MAST3: variants seen among roughly 807,000 people sequenced by gnomAD.
The protein encoded by MAST3 is microtubule-associated serine/threonine-protein kinase 3.
MAST3 carries 43 observed loss-of-function variants against 127.0 expected under a neutral mutation model. The observed-to-expected ratio is 0.34, with a 90% CI of 0.27 to 0.44. MAST3 has a LOEUF of 0.44. MAST3 is among the 20% of genes least tolerant of loss of function. The probability of loss-of-function intolerance (pLI) is 1.00; values close to 1 mark genes in which losing one functional copy is unlikely to be tolerated. For missense variants in MAST3, 1,390 were observed against 1,919.1 expected (o/e 0.72, Z 5.15); for synonymous variants, 785 against 809.2 (o/e 0.97, Z 0.51).
intron 13 of MAST3, among the ~76,000 whole-genome samples, chr19:18,130,140 G>A (rs983892955): frequency 3.3e-5 from 5 of 151,958 alleles, no homozygotes; most frequent in African/African-American, 1.2e-4. Context: ...TTGAGCCGGG[G>A]GGGTGGTAAA....
At chr19:18,098,380 C>T (rs1370895980) in intron 1 of MAST3, among the ~76,000 whole-genome samples, 1 of 152,088 alleles carries the variant, frequency 6.6e-6, no homozygotes, top group Non-Finnish European at 1.5e-5. Context: ...TCGATCTGCG[C>T]CCTCAACCAG....
Position 18,134,867 on chromosome 19 carries a change from CT to C in MAST3, c.1756del (p.Tyr586MetfsTer78), listed in dbSNP as rs1386164010. 1 of 1,613,916 alleles carries C rather than the reference CT, an allele frequency of 6.2e-7. No individual in the cohort carries two copies. The highest frequency in any genetic ancestry group is 2.2e-5 in the East Asian group (1 of 44,894). ...IAPEVIFRQG[Y>X]GKPVDWWAMG... Reference sequence around the variant, plus strand: ...CCCCCGAGGTGATCTTCCGCCAGGGCTATGGGAAGCCAGTGGACTGGTGGGC... The same window carrying C: ...CCCCCGAGGTGATCTTCCGCCAGGGCATGGGAAGCCAGTGGACTGGTGGGC... On this transcript the variant is annotated frameshift_variant, in exon 17 of 28. Coordinates refer to ENST00000687212, the MANE Select transcript of MAST3 (RefSeq NM_001393504.1). LOFTEE classifies it high-confidence loss of function.
At chr19:18,106,096 A>G (rs992478393) in intron 1 of MAST3, among the ~76,000 whole-genome samples, 5 of 151,728 alleles carry the variant, frequency 3.3e-5, no homozygotes, top group African/African-American at 1.2e-4. Flanking sequence ...ATTATTATTA[A>G]TTTTTTTTAG....
At chr19:18,142,262 G>C (rs1217129395) in intron 21 of MAST3, among the ~76,000 whole-genome samples, 1 of 151,530 alleles carries the variant, frequency 6.6e-6, no homozygotes, top group African/African-American at 2.4e-5. Flanking sequence ...AATGCCCTTT[G>C]CTTACTAACT....
intron 3 of MAST3, among the ~76,000 whole-genome samples, chr19:18,115,819 C>T (rs2039156658): frequency 6.6e-6 from 1 of 152,246 alleles, no homozygotes; most frequent in Non-Finnish European, 1.5e-5. Flanking sequence ...AAGCACCCTC[C>T]ATGGCTCCCC....
intron 21 of MAST3, among the ~76,000 whole-genome samples, chr19:18,142,852 T>G (rs936953213): frequency 6.6e-6 from 1 of 151,794 alleles, no homozygotes; most frequent in Non-Finnish European, 1.5e-5. Context: ...GACTTACACC[T>G]GTAATCCCAA....
In MAST3 at chr19:18,145,451, C is replaced by T. The variant is rs934243960; in HGVS notation, c.3039+222C>T. ...CAGATCCCAAGTGGCATTAACCTCC[C>T]AGCTCCATATGGGGACGCACTGGGC... On this transcript the variant is annotated intron_variant, in intron 24 of 27. Transcript: ENST00000687212. This position sits in a 1 kb window ranked among gnomAD's most constrained non-coding sequence, Gnocchi z 5.9. Among the ~76,000 whole-genome samples the T allele has an allele frequency of 5.9e-5, 9 of 152,212 alleles. No individual in the cohort carries two copies. The highest frequency in any genetic ancestry group is 1.3e-4 in the Non-Finnish European group (9 of 68,034).
chr19:18,146,850 C>T, intron 25 of MAST3, 31 bp from the exon 26 acceptor site: 1 of 1,527,646 alleles, frequency 6.5e-7, no homozygotes, highest in Non-Finnish European at 8.8e-7. Flanking sequence ...GTGAGAGGCA[C>T]AGAGGCAACC....
At chr19:18,121,486 G>A (rs972950650) in intron 3 of MAST3, among the ~76,000 whole-genome samples, 199 bp from the exon 4 acceptor site, 2 of 152,246 alleles carry the variant, frequency 1.3e-5, no homozygotes, top group African/African-American at 2.4e-5. Context: ...AGGAATGTTA[G>A]TTGAGGGGTG....
chr19:18,124,939 CCT>C (rs1491577666), intron 11 of MAST3, among the ~76,000 whole-genome samples, 165 bp downstream of exon 11: 9 of 135,492 alleles, frequency 6.6e-5, no homozygotes, highest in East Asian at 6.6e-4. Context: ...AAACCCCCCC[CCT>C]ACTAAAAATA....
At chr19:18,130,777 C>T in intron 14 of MAST3, 75 bp downstream of exon 14, 1 of 1,435,238 alleles carries the variant, frequency 7.0e-7, no homozygotes, top group Non-Finnish European at 9.6e-7. Flanking sequence ...AATTTTTAGA[C>T]CAAGTTGAGG....
In MAST3 at chr19:18,128,917, G is replaced by A. The variant is rs900994208; in HGVS notation, c.1189G>A (p.Glu397Lys). Reference sequence around the variant, plus strand: ...GAGGAAGCCATGCGAAAGCGACTTTGAGACCATCAAACTCATTAGCAACGG... The same window carrying A: ...GAGGAAGCCATGCGAAAGCGACTTTAAGACCATCAAACTCATTAGCAACGG... ...SRRKPCESDF[E>K]TIKLISNGAY... The change falls in exon 13 of 28, where the codon GAG becomes AAG. Residue 397 changes from glutamate to lysine, a missense_variant. Physicochemically the swap from Glu to Lys is moderately conservative, Grantham distance 56. Transcript: ENST00000687212. 6.2e-7 allele frequency: 1 copy of A among 1,613,798 alleles called. No homozygotes were observed. Among genetic ancestry groups the A allele is most frequent in the African/African-American group, 1.3e-5 (1 of 74,916 alleles).
chr19:18,123,743 C>G, intron 8 of MAST3, 88 bp downstream of exon 8: 2 of 1,199,950 alleles, frequency 1.7e-6, no homozygotes, highest in East Asian at 5.1e-5. Context: ...TGGCTATGTC[C>G]CCTTTGCCAG....
At chr19:18,124,191 C>T (rs1322652365) in intron 9 of MAST3, 43 bp downstream of exon 9, 15 of 1,592,120 alleles carry the variant, frequency 9.4e-6, no homozygotes, top group East Asian at 2.3e-5. Flanking sequence ...TGCAGTGGGA[C>T]GTGGAGTGAG....
intron 17 of MAST3, among the ~76,000 whole-genome samples, chr19:18,135,396 C>T (rs1203084273): frequency 6.6e-6 from 1 of 152,092 alleles, no homozygotes; most frequent in African/African-American, 2.4e-5. Context: ...ACCCAGGAGG[C>T]AGAGGTTGCA....
intron 11 of MAST3, among the ~76,000 whole-genome samples, chr19:18,125,422 AC>A (rs888426837): frequency 3.4e-4 from 52 of 152,166 alleles, no homozygotes; most frequent in Admixed American, 3.4e-3. Context: ...AAACAGGACA[AC>A]CCGTAGGTAA....
rs2147929050 is a variant in MAST3 at position 18,151,503 on chromosome 19, ATGCTG to A, written c.*1780_*1784del. 6.6e-6 allele frequency: 1 copy of A among 152,304 alleles called. No individual in the cohort carries two copies. Among genetic ancestry groups the A allele is most frequent in the South Asian group, 2.1e-4 (1 of 4,824 alleles). The allele number at this position is 152,304 out of a possible 1,614,324, so 9.4% of individuals were successfully genotyped here. On this transcript the variant is annotated 3_prime_UTR_variant, in exon 28 of 28. Coordinates refer to ENST00000687212, the MANE Select transcript of MAST3 (RefSeq NM_001393504.1). Reference sequence around the variant, plus strand: ...CTCCAGCCCCAGCTCATCCCCCATGATGCTGTGTGACCCACTGGGCACTCTGGTGA... The same window carrying A: ...CTCCAGCCCCAGCTCATCCCCCATGATGTGACCCACTGGGCACTCTGGTGA...
chr19:18,141,398 A>G (rs1327305160), intron 20 of MAST3, among the ~76,000 whole-genome samples: 1 of 3,110 alleles, frequency 3.2e-4, no homozygotes, highest in Non-Finnish European at 5.5e-4. Context: ...TTTGAAACAG[A>G]GTCTCGCTCT....
intron 10 of MAST3, 108 bp downstream of exon 10, chr19:18,124,474 A>G: frequency 7.5e-7 from 1 of 1,341,248 alleles, no homozygotes; most frequent in South Asian, 1.3e-5. Context: ...TAGGGCTTTG[A>G]GAGGAACACA....
Sources: gnomAD v4.1 joint callset for allele counts (sites outside exome capture counted in the v4.1 genomes callset) on GRCh38, gnomAD v4.1.1 for gene constraint, Gnocchi (gnomAD v3.1) non-coding constraint, MANE v1.5 for transcripts, NCBI Gene and HGNC (gene_info 2026-07-23, HGNC 2026-07-21) for gene names.